ANKRD52: variants seen among roughly 807,000 people sequenced by gnomAD.
The protein encoded by ANKRD52 is ankyrin repeat domain 52.
ANKRD52 carries 7 observed loss-of-function variants against 116.0 expected under a neutral mutation model. The ratio of observed to expected loss-of-function variants is 0.06; its 90% confidence interval spans 0.03 to 0.11. ANKRD52 has a LOEUF of 0.11. ANKRD52 is among the 10% of genes least tolerant of loss of function. The pLI, the probability that ANKRD52 is intolerant of heterozygous loss-of-function variation, is 1.00. For synonymous variants in ANKRD52, 528 were observed against 578.1 expected, an observed-to-expected ratio of 0.91 and a Z score of 1.24; for missense variants, 839 against 1,408.6, an observed-to-expected ratio of 0.60 and a Z score of 6.47.
At position 56,238,013 on chromosome 12, in the gene ANKRD52, G is replaced by T; in HGVS notation, c.*5129C>A. ...CTTTAGCCCAGGGAGGGGAGGGGTGGGGCAAATGCACCGAGGTCCCCACTT... is the reference window on the plus strand; with the variant it reads ...CTTTAGCCCAGGGAGGGGAGGGGTGTGGCAAATGCACCGAGGTCCCCACTT... On this transcript the variant is annotated 3_prime_UTR_variant, in exon 28 of 28. Coordinates refer to ENST00000267116, the MANE Select transcript of ANKRD52 (RefSeq NM_173595.4). The T allele has an allele frequency of 3.1e-6, 1 of 320,762 alleles. No individual in the cohort carries two copies. Among genetic ancestry groups the T allele is most frequent in the Non-Finnish European group, 5.7e-6 (1 of 176,490 alleles). The allele number at this position is 320,762 out of a possible 1,614,324, so 19.9% of individuals were successfully genotyped here. A position where few individuals can be genotyped will look rare whatever the true frequency, so the allele number is the denominator to read the frequency against.
At position 56,248,376 on chromosome 12, in the gene ANKRD52, T is replaced by C; in HGVS notation, c.1776+119A>G. The C allele has an allele frequency of 7.1e-7, 1 of 1,413,014 alleles. No homozygotes were observed. Among genetic ancestry groups the C allele is most frequent in the East Asian group, 2.4e-5 (1 of 41,460 alleles). 87.5% of individuals were successfully genotyped at this position (1,413,014 alleles called of 1,614,324 possible). ...TAAGGCTTCCTACCCTGCACTGTGC[T>C]TATCCCCTCTCCCACAAAAAGGCAG... On this transcript the variant is annotated intron_variant, in intron 17 of 27. Transcript: ENST00000267116. The surrounding 1 kb of genome is among the most constrained non-coding windows in gnomAD (Gnocchi z 5.1).
intron 2 of ANKRD52, 23 bp from the exon 3 acceptor site, chr12:56,257,384 G>C (rs1208352745): frequency 6.4e-7 from 1 of 1,565,014 alleles, no homozygotes; most frequent in Non-Finnish European, 8.7e-7. Flanking sequence ...AAAAGAGCAG[G>C]GAGTATGGGC....
At chr12:56,257,744 A>G in intron 2 of ANKRD52, 84 bp downstream of exon 2, 3 of 1,365,854 alleles carry the variant, frequency 2.2e-6, no homozygotes, top group Non-Finnish European at 3.1e-6. Flanking sequence ...CAGAGGAGAC[A>G]CGGAGCCGCC....
Position 56,241,537 on chromosome 12 carries a change from A to G in ANKRD52, c.*1605T>C. On this transcript the variant is annotated 3_prime_UTR_variant, in exon 28 of 28. Coordinates refer to ENST00000267116, the MANE Select transcript of ANKRD52 (RefSeq NM_173595.4). Reference sequence around the variant, plus strand: ...GAGGGAGGCTGAAGGATCCCCCCTCAGGGGAGACCCTGTACTGTGTAAACG... The same window carrying G: ...GAGGGAGGCTGAAGGATCCCCCCTCGGGGGAGACCCTGTACTGTGTAAACG... The G allele has an allele frequency of 6.4e-6, 1 of 156,090 alleles. No individual in the cohort carries two copies. Among genetic ancestry groups the G allele is most frequent in the Non-Finnish European group, 1.4e-5 (1 of 70,720 alleles). 9.7% of individuals were successfully genotyped at this position (156,090 alleles called of 1,614,324 possible). A position where few individuals can be genotyped will look rare whatever the true frequency, so the allele number is the denominator to read the frequency against.
rs1871263853 is a variant in ANKRD52 at position 56,243,576 on chromosome 12, G to A, written c.2981-184C>T. 2.0e-5 allele frequency among the ~76,000 whole-genome samples: 3 copies of A among 152,204 alleles called. No individual in the cohort carries two copies. Among genetic ancestry groups the A allele is most frequent in the Non-Finnish European group, 4.4e-5 (3 of 68,030 alleles). Reference sequence around the variant, plus strand: ...AGATTCTCTAAGTACGGGTTAAAGGGCGGGCATGGGAGTCAAAGCCTAGGG... The same window carrying A: ...AGATTCTCTAAGTACGGGTTAAAGGACGGGCATGGGAGTCAAAGCCTAGGG... On this transcript the variant is annotated intron_variant, in intron 27 of 27. Transcript: ENST00000267116. The surrounding 1 kb of genome is among the most constrained non-coding windows in gnomAD (Gnocchi z 4.6).
chr12:56,246,875 A>AAG (rs1304141648), intron 20 of ANKRD52, among the ~76,000 whole-genome samples: 1 of 150,190 alleles, frequency 6.7e-6, no homozygotes, highest in Non-Finnish European at 1.5e-5. Flanking sequence ...AGCCGAGATC[A>AAG]CGCCACTGCA....
At position 56,255,020 on chromosome 12, in the gene ANKRD52, G is replaced by T; in HGVS notation, c.463-68C>A. 1 of 1,521,412 alleles carries T rather than the reference G, an allele frequency of 6.6e-7. No individual in the cohort carries two copies. Among genetic ancestry groups the T allele is most frequent in the Non-Finnish European group, 9.1e-7 (1 of 1,101,210 alleles). 94.2% of individuals were successfully genotyped at this position (1,521,412 alleles called of 1,614,324 possible). ...TGCCCTCAACCTACCTAAGAGCAGAGGCCTCATCTCCTGAAAAGGCTGAGG... is the reference window on the plus strand; with the variant it reads ...TGCCCTCAACCTACCTAAGAGCAGATGCCTCATCTCCTGAAAAGGCTGAGG... On this transcript the variant is annotated intron_variant, in intron 5 of 27. Transcript: ENST00000267116. This position sits in a 1 kb window ranked among gnomAD's most constrained non-coding sequence, Gnocchi z 4.3.
In ANKRD52 at chr12:56,252,657, G is replaced by A. The variant is rs964428064; in HGVS notation, c.1302-87C>T. 2.6e-6 allele frequency: 4 copies of A among 1,538,064 alleles called. No individual in the cohort carries two copies. The highest frequency in any genetic ancestry group is 3.6e-6 in the Non-Finnish European group (4 of 1,113,744). On this transcript the variant is annotated intron_variant, in intron 12 of 27. Coordinates refer to ENST00000267116, the MANE Select transcript of ANKRD52 (RefSeq NM_173595.4). This position sits in a 1 kb window ranked among gnomAD's most constrained non-coding sequence, Gnocchi z 4.7. ...GGCTAAGGAAGGATGGGACTAGCAA[G>A]CCCTTTCTGCTGTGACTGCTTTCAT... is the stretch of plus-strand genomic sequence containing the variant.
Position 56,243,111 on chromosome 12 carries a change from G to A in ANKRD52, c.*31C>T. On this transcript the variant is annotated 3_prime_UTR_variant, in exon 28 of 28. Coordinates refer to ENST00000267116, the MANE Select transcript of ANKRD52 (RefSeq NM_173595.4). The surrounding 1 kb of genome is among the most constrained non-coding windows in gnomAD (Gnocchi z 4.6). ...CTAAATAAATAGAATTAGATATCAAGCCACCGGCGGGGGAGGGACACTGGA... is the reference window on the plus strand; with the variant it reads ...CTAAATAAATAGAATTAGATATCAAACCACCGGCGGGGGAGGGACACTGGA... 6.4e-7 allele frequency: 1 copy of A among 1,556,828 alleles called. No individual in the cohort carries two copies. Among genetic ancestry groups the A allele is most frequent in the Non-Finnish European group, 8.7e-7 (1 of 1,152,332 alleles).
In ANKRD52 at chr12:56,243,213, G is replaced by C; in HGVS notation, c.3160C>G (p.His1054Asp). The C allele has an allele frequency of 6.2e-7, 1 of 1,613,414 alleles. No homozygotes were observed. The highest frequency in any genetic ancestry group is 8.5e-7 in the Non-Finnish European group (1 of 1,179,692). The stretch of plus-strand genomic sequence containing the variant: ...TGGCTGTAGGGGCAGGAGGCCCCAT[G>C]GGGCAGGGCGCCGCAGCCACCCACC... ...KTVGGCGALP[H>D]GASCPYSQER... is the part of the protein sequence containing the mutation. Residue 1054 changes from histidine to aspartate, a missense_variant, in exon 28 of 28, where the codon CAT becomes GAT. This residue lies in a region of ANKRD52 where 552 missense variants were observed against 810.6 expected (regional missense o/e 0.68). Transcript: ENST00000267116. The surrounding 1 kb of genome is among the most constrained non-coding windows in gnomAD (Gnocchi z 4.6).
chr12:56,245,820 T>A (rs1220735148), intron 20 of ANKRD52, among the ~76,000 whole-genome samples: 1 of 150,510 alleles, frequency 6.6e-6, no homozygotes, highest in Non-Finnish European at 1.5e-5. Context: ...GTTCAAGCGA[T>A]TCTCCTGCCT....
rs1220812082 is a variant in ANKRD52, at chr12:56,258,230, C to A, written c.27+13G>T. ...CCTGGAAGGAGGAAGCGGGAAAGGGCAGGAGGGCTGACCTGGTCCGTGATG... is the reference window on the plus strand; with the variant it reads ...CCTGGAAGGAGGAAGCGGGAAAGGGAAGGAGGGCTGACCTGGTCCGTGATG... On this transcript the variant is annotated intron_variant, in intron 1 of 27. Coordinates refer to ENST00000267116, the MANE Select transcript of ANKRD52 (RefSeq NM_173595.4). The A allele has an allele frequency of 6.3e-7, 1 of 1,599,972 alleles. No homozygotes were observed. Among genetic ancestry groups the A allele is most frequent in the Non-Finnish European group, 8.5e-7 (1 of 1,174,474 alleles).
chr12:56,254,221 T>C lies in ANKRD52; in HGVS notation c.752A>G (p.Gln251Arg). The C allele has an allele frequency of 6.2e-7, 1 of 1,613,968 alleles. No individual in the cohort carries two copies. The highest frequency in any genetic ancestry group is 8.5e-7 in the Non-Finnish European group (1 of 1,179,902). Residue 251 changes from glutamine (Q) to arginine (R), a missense_variant, in exon 8 of 28, where the codon CAG becomes CGG. Physicochemically the swap from Gln to Arg is conservative, Grantham distance 43. Around this residue, in one of 2 missense-constraint regions of ANKRD52, gnomAD observed 287 missense variants for 598.1 expected, o/e 0.48. Coordinates refer to ENST00000267116, the MANE Select transcript of ANKRD52 (RefSeq NM_173595.4). The surrounding 1 kb of genome is among the most constrained non-coding windows in gnomAD (Gnocchi z 4.6). The part of the protein sequence containing the change: ...TALHIACYLG[Q>R]DAVAIELVNA... Reference sequence around the variant, plus strand: ...CACCAGCTCAATAGCCACAGCATCCTGGCCCAGGTAGCAGGCGATGTGCAA... The same window carrying C: ...CACCAGCTCAATAGCCACAGCATCCCGGCCCAGGTAGCAGGCGATGTGCAA...
Position 56,245,087 on chromosome 12 carries a change from A to C in ANKRD52, c.2492+16T>G. ...GGGCCCTCGCGAGAAGGGCTGATGC[A>C]GCAGAAGGGACTTACACTGCACAGT... is the stretch of plus-strand genomic sequence containing the variant. On this transcript the variant is annotated intron_variant, in intron 22 of 27. Transcript: ENST00000267116. 1.2e-6 allele frequency: 2 copies of C among 1,613,826 alleles called. No individual in the cohort carries two copies. The highest frequency in any genetic ancestry group is 1.7e-6 in the Non-Finnish European group (2 of 1,179,740).
At position 56,254,995 on chromosome 12, in the gene ANKRD52, T is replaced by G. The variant is rs762819218; in HGVS notation, c.463-43A>C. 6 of 1,584,858 alleles carry G rather than the reference T, an allele frequency of 3.8e-6. No individual in the cohort carries two copies. In the South Asian group the frequency reaches 6.6e-5, roughly 17 times the overall value. Reference sequence around the variant, plus strand: ...AGACACCTGTTCAGAGCTAGATTCGTGCCCTCAACCTACCTAAGAGCAGAG... The same window carrying G: ...AGACACCTGTTCAGAGCTAGATTCGGGCCCTCAACCTACCTAAGAGCAGAG... On this transcript the variant is annotated intron_variant, in intron 5 of 27. Coordinates refer to ENST00000267116, the MANE Select transcript of ANKRD52 (RefSeq NM_173595.4). The surrounding 1 kb of genome is among the most constrained non-coding windows in gnomAD (Gnocchi z 4.6).
intron 20 of ANKRD52, among the ~76,000 whole-genome samples, chr12:56,246,867 C>CTGAGAT (rs1565608587): frequency 6.6e-6 from 1 of 150,494 alleles, no homozygotes; most frequent in Non-Finnish European, 1.5e-5. Flanking sequence ...TTGCAGTGAG[C>CTGAGAT]CGAGATCACG....
Position 56,254,784 on chromosome 12 carries a change from C to G in ANKRD52, c.551-64G>C. ...AAACTCTAAGACCCTACACTCCTCTCTTCAAAGGCTGCAACCCCACATCCC... is the reference window on the plus strand; with the variant it reads ...AAACTCTAAGACCCTACACTCCTCTGTTCAAAGGCTGCAACCCCACATCCC... On this transcript the variant is annotated intron_variant, in intron 6 of 27. Transcript: ENST00000267116. This position sits in a 1 kb window ranked among gnomAD's most constrained non-coding sequence, Gnocchi z 4.6. 6.3e-7 allele frequency: 1 copy of G among 1,599,704 alleles called. No individual in the cohort carries two copies. Among genetic ancestry groups the G allele is most frequent in the Non-Finnish European group, 8.6e-7 (1 of 1,167,890 alleles).
chr12:56,250,647 T>A, intron 15 of ANKRD52, among the ~76,000 whole-genome samples: 1 of 149,548 alleles, frequency 6.7e-6, no homozygotes, highest in Admixed American at 6.7e-5. Flanking sequence ...ACTTTGGGAG[T>A]CTGAGGCAGG....
rs1349981907 is a variant in ANKRD52 at position 56,254,819 on chromosome 12, A to G, written c.550+46T>C. On this transcript the variant is annotated intron_variant, in intron 6 of 27. Coordinates refer to ENST00000267116, the MANE Select transcript of ANKRD52 (RefSeq NM_173595.4). This position sits in a 1 kb window ranked among gnomAD's most constrained non-coding sequence, Gnocchi z 4.6. ...TGCAACCCCACATCCCTGCCCTAGG[A>G]ATCCTAAATGTCAAATTTCTGATTT... 2.5e-6 allele frequency: 4 copies of G among 1,604,476 alleles called. No homozygotes were observed. The South Asian group carries it at 4.4e-5, about 18-fold the overall frequency.
Sources: gnomAD v4.1 joint callset for allele counts (sites outside exome capture counted in the v4.1 genomes callset) on GRCh38, gnomAD v4.1.1 for gene constraint, gnomAD v4.1.1 regional missense constraint, Gnocchi (gnomAD v3.1) non-coding constraint, MANE v1.5 for transcripts, NCBI Gene and HGNC (gene_info 2026-07-23, HGNC 2026-07-21) for gene names.